The following RUSC2 variants were observed in gnomAD, a reference collection of about 807,000 sequenced individuals.
RUSC2 encodes the protein RUN and SH3 domain containing 2.
In RUSC2, 34 loss-of-function variants were observed where a neutral mutation model predicts 122.2. The ratio of observed to expected loss-of-function variants is 0.28; its 90% confidence interval spans 0.21 to 0.37. RUSC2 has a LOEUF of 0.37. RUSC2 is among the 10% of genes least tolerant of loss of function. RUSC2 has a pLI of 1.00. For missense variants in RUSC2, 1,747 were observed against 1,952.4 expected (o/e 0.89, Z 1.98); for synonymous variants, 784 against 790.0 (o/e 0.99, Z 0.13).
chr9:35,551,768 T>C (rs547103594), intron 2 of RUSC2, among the ~76,000 whole-genome samples: 6 of 152,244 alleles, frequency 3.9e-5, no homozygotes, highest in African/African-American at 1.4e-4. Context: ...TATAGGAAGC[T>C]GAGAAGGTCG....
chr9:35,517,155 G>C (rs1821124388), intron 1 of RUSC2, among the ~76,000 whole-genome samples: 1 of 152,182 alleles, frequency 6.6e-6, no homozygotes, highest in Admixed American at 6.5e-5. Context: ...TTCTCTGAAA[G>C]GAAGTGGGTC....
chr9:35,536,808 C>CAAAAAAAAA (rs67604535), intron 1 of RUSC2, among the ~76,000 whole-genome samples: 20 of 69,608 alleles, frequency 2.9e-4, no homozygotes, highest in Admixed American at 4.1e-4. Flanking sequence ...GAGTGAAACT[C>CAAAAAAAAA]AAAAAAAAAA....
chr9:35,561,075 G>A lies in RUSC2; in HGVS notation c.4327G>A (p.Ala1443Thr), dbSNP rs773138631. The change falls in exon 11 of 12, where the codon GCC (alanine) becomes ACC (threonine). Residue 1443 changes from alanine to threonine, a missense_variant. Ala to Thr is a moderately conservative substitution (Grantham distance 58, BLOSUM62 0). Transcript: ENST00000361226. ...GAGCCTGCAGGAGCCACACTCCCCAGCCCTGCCCTCCAGTCCTCCGTGGTA... is the reference window on the plus strand; with the variant it reads ...GAGCCTGCAGGAGCCACACTCCCCAACCCTGCCCTCCAGTCCTCCGTGGTA... Reference protein sequence around the residue: ...KESLQEPHSPALPSSPPCEVQ... With the variant: ...KESLQEPHSPTLPSSPPCEVQ... 10 of 1,614,152 alleles carry A rather than the reference G, an allele frequency of 6.2e-6. No homozygotes were observed. Among genetic ancestry groups the A allele is most frequent in the Non-Finnish European group, 8.5e-6 (10 of 1,179,996 alleles).
intron 1 of RUSC2, among the ~76,000 whole-genome samples, chr9:35,502,035 G>T (rs1221571816): frequency 6.6e-6 from 1 of 151,924 alleles, no homozygotes; most frequent in Non-Finnish European, 1.5e-5. Flanking sequence ...AGTACTGTTG[G>T]TCTCTTTGTC....
At chr9:35,502,155 T>G (rs982290392) in intron 1 of RUSC2, among the ~76,000 whole-genome samples, 1 of 152,202 alleles carries the variant, frequency 6.6e-6, no homozygotes, top group African/African-American at 2.4e-5. Flanking sequence ...TATTTATCTG[T>G]GCTTAATAAG....
chr9:35,515,999 CAA>C (rs544797957), intron 1 of RUSC2, among the ~76,000 whole-genome samples: 25 of 47,190 alleles, frequency 5.3e-4, no homozygotes, highest in African/African-American at 7.9e-4. Flanking sequence ...ATTCTTGTCT[CAA>C]AAAAAAAAAA....
chr9:35,543,710 C>A (rs1821688432), intron 1 of RUSC2, among the ~76,000 whole-genome samples: 1 of 152,138 alleles, frequency 6.6e-6, no homozygotes, highest in Admixed American at 6.5e-5. Context: ...CTCAAATGAT[C>A]CGCCCGCCTC....
At chr9:35,527,483 T>C (rs909070462) in intron 1 of RUSC2, among the ~76,000 whole-genome samples, 3 of 152,182 alleles carry the variant, frequency 2.0e-5, no homozygotes, top group Admixed American at 6.5e-5. Context: ...ATTTTAATAA[T>C]TATGTTTCTA....
chr9:35,560,431 G>A lies in RUSC2; in HGVS notation c.3791G>A (p.Arg1264Gln), dbSNP rs760555865. The change falls in exon 10 of 12, where the codon CGA becomes CAA. Residue 1264 changes from arginine to glutamine, a missense_variant. By Grantham distance (43) the Arg-to-Gln change is conservative. Coordinates refer to ENST00000361226, the MANE Select transcript of RUSC2 (RefSeq NM_014806.5). ...GGCTCAGGGCGTGCCAGGTGGGCCC[G>A]AGGTGGGCAGGCCGGCTGGTGGTAC... ...AGGSGRARWA[R>Q]GGQAGWWYQL... The A allele has an allele frequency of 1.3e-5, 21 of 1,614,082 alleles. No homozygotes were observed. Among genetic ancestry groups the A allele is most frequent in the Middle Eastern group, 1.6e-4 (1 of 6,082 alleles).
At chr9:35,534,285 C>T (rs1369816446) in intron 1 of RUSC2, among the ~76,000 whole-genome samples, 2 of 151,930 alleles carry the variant, frequency 1.3e-5, no homozygotes, top group African/African-American at 4.8e-5. Context: ...TATTCAAATC[C>T]TTTGCCCAGC....
In RUSC2 at chr9:35,561,395, G is replaced by A; in HGVS notation, c.*13G>A. 5.6e-6 allele frequency: 9 copies of A among 1,598,200 alleles called. No individual in the cohort carries two copies. Among genetic ancestry groups the A allele is most frequent in the Non-Finnish European group, 7.7e-6 (9 of 1,171,820 alleles). On this transcript the variant is annotated 3_prime_UTR_variant, in exon 12 of 12. Transcript: ENST00000361226. The stretch of plus-strand genomic sequence containing the variant: ...CAGCCAAAACTGAGGCCCTGTGCAT[G>A]CTGGTGGCCTCAGGGACCCTCATAA...
intron 1 of RUSC2, among the ~76,000 whole-genome samples, chr9:35,511,498 C>T (rs901805947): frequency 2.0e-5 from 3 of 152,190 alleles, no homozygotes; most frequent in Admixed American, 6.5e-5. Context: ...TTCAGTACCC[C>T]ACATCCCAAA....
chr9:35,547,603 C>A lies in RUSC2; in HGVS notation c.1082C>A (p.Ala361Asp). 1 of 1,614,186 alleles carries A rather than the reference C, an allele frequency of 6.2e-7. No individual in the cohort carries two copies. Among genetic ancestry groups the A allele is most frequent in the Non-Finnish European group, 8.5e-7 (1 of 1,180,034 alleles). The change falls in exon 2 of 12, where the codon GCC becomes GAC. Residue 361 changes from alanine to aspartate, a missense_variant. Physicochemically the swap from Ala to Asp is moderately radical, Grantham distance 126. Coordinates refer to ENST00000361226, the MANE Select transcript of RUSC2 (RefSeq NM_014806.5). This position sits in a 1 kb window ranked among gnomAD's most constrained non-coding sequence, Gnocchi z 4.6. ...CATGCCTCTTCTCCTGAGCTTGATG[C>A]CAACTGCAACTCCTACCGCCCACAC... ...CPHASSPELDANCNSYRPHCE... is the reference protein window; with the variant it reads ...CPHASSPELDDNCNSYRPHCE...
intron 9 of RUSC2, 30 bp from the exon 10 acceptor site, chr9:35,559,999 G>A: frequency 6.5e-7 from 1 of 1,542,426 alleles, no homozygotes; most frequent in Non-Finnish European, 8.8e-7. Context: ...GGTTCTCTGT[G>A]TGGATCAGTC....
At chr9:35,522,875 A>G (rs1223978017) in intron 1 of RUSC2, among the ~76,000 whole-genome samples, 2 of 152,238 alleles carry the variant, frequency 1.3e-5, no homozygotes. Context: ...GTAAGTCAGC[A>G]CAAACAAAAG....
At position 35,499,781 on chromosome 9, in the gene RUSC2, T is replaced by A. The variant is rs530347235; in HGVS notation, c.-93+9609T>A. ...TAGGGAAAATGGACATTTATTTTTA[T>A]CCACGCCCAGGCAAAAGAAAAAGAG... is the stretch of plus-strand genomic sequence containing the variant. On this transcript the variant is annotated intron_variant, in intron 1 of 11. Coordinates refer to ENST00000361226, the MANE Select transcript of RUSC2 (RefSeq NM_014806.5). Among the ~76,000 whole-genome samples, 5 of 152,312 alleles carry A rather than the reference T, an allele frequency of 3.3e-5. No individual in the cohort carries two copies. The South Asian group carries it at 1.0e-3, about 32-fold the overall frequency.
chr9:35,547,643 A>C lies in RUSC2; in HGVS notation c.1122A>C (p.Pro374=). ...NSYRPHCEPC[P]AVADLTACFQ... is the part of the protein sequence containing the mutation. ...ACCGCCCACACTGTGAGCCGTGCCCAGCAGTGGCTGACCTCACAGCCTGCT... is the reference window on the plus strand; with the variant it reads ...ACCGCCCACACTGTGAGCCGTGCCCCGCAGTGGCTGACCTCACAGCCTGCT... Residue 374 remains proline, a synonymous_variant, in exon 2 of 12, where the codon CCA becomes CCC. Transcript: ENST00000361226. The surrounding 1 kb of genome is among the most constrained non-coding windows in gnomAD (Gnocchi z 4.6). The C allele has an allele frequency of 6.2e-7, 1 of 1,614,238 alleles. No individual in the cohort carries two copies. The highest frequency in any genetic ancestry group is 1.1e-5 in the South Asian group (1 of 91,088).
chr9:35,517,482 C>T (rs371285331), intron 1 of RUSC2, among the ~76,000 whole-genome samples: 1 of 149,906 alleles, frequency 6.7e-6, no homozygotes, highest in Admixed American at 6.7e-5. Flanking sequence ...GGGATACAGG[C>T]CCCAGATCAG....
chr9:35,561,148 G>T, intron 11 of RUSC2, 33 bp from the exon 12 acceptor site: 1 of 1,613,384 alleles, frequency 6.2e-7, no homozygotes. Flanking sequence ...CTTTTGAGGG[G>T]GTTTCTCTGA....
Sources: gnomAD v4.1 joint callset for allele counts (sites outside exome capture counted in the v4.1 genomes callset) on GRCh38, gnomAD v4.1.1 for gene constraint, Gnocchi (gnomAD v3.1) non-coding constraint, MANE v1.5 for transcripts, NCBI Gene and HGNC (gene_info 2026-07-23, HGNC 2026-07-21) for gene names.